The following PGM1 variants were observed in gnomAD, a reference collection of about 807,000 sequenced individuals.
PGM1 encodes the protein phosphoglucomutase 1, also known as phosphoglucomutase-1.
PGM1 carries 52 observed loss-of-function variants against 55.6 expected under a neutral mutation model. The ratio of observed to expected loss-of-function variants is 0.94; its 90% CI spans 0.75 to 1.18. PGM1 has a LOEUF of 1.18. Ranked by LOEUF, PGM1 falls within the 50% of genes most tolerant of loss-of-function variation. PGM1 has a pLI of 0.00. For missense variants in PGM1, 724 were observed against 729.3 expected (o/e 0.99, Z 0.08); for synonymous variants, 287 against 271.7 (o/e 1.06, Z -0.55).
At chr1:63,639,742 A>G (rs979521529) in intron 7 of PGM1, among the ~76,000 whole-genome samples, 1 of 152,184 alleles carries the variant, frequency 6.6e-6, no homozygotes, top group Non-Finnish European at 1.5e-5. Flanking sequence ...CAGCTTTGCA[A>G]TTGAGTTGCA....
intron 1 of PGM1, 29 bp from the exon 2 acceptor site, chr1:63,629,396 A>G: frequency 6.2e-7 from 1 of 1,605,582 alleles, no homozygotes; most frequent in Non-Finnish European, 8.5e-7. Flanking sequence ...ATTGATGTTA[A>G]AGAGTGTGTT....
In PGM1 at chr1:63,634,916, T is replaced by C. The variant is rs777478453; in HGVS notation, c.770T>C (p.Phe257Ser). 1.2e-6 allele frequency: 2 copies of C among 1,613,788 alleles called. No homozygotes were observed. The highest frequency in any genetic ancestry group is 2.2e-5 in the South Asian group (2 of 91,062). ...GTTAACTGCGTTCCTCTGGAGGACTTTGGAGGCCACCACCCTGACCCCAAC... is the reference window on the plus strand; with the variant it reads ...GTTAACTGCGTTCCTCTGGAGGACTCTGGAGGCCACCACCCTGACCCCAAC... ...SAVNCVPLEDFGGHHPDPNLT... is the reference protein window; with the variant it reads ...SAVNCVPLEDSGGHHPDPNLT... The change falls in exon 5 of 11, where the codon TTT (phenylalanine) becomes TCT (serine). Residue 257 changes from phenylalanine to serine, a missense_variant. This residue lies in a region of PGM1 where 379 missense variants were observed against 357.5 expected (regional missense o/e 1.06). Coordinates refer to ENST00000371084, the MANE Select transcript of PGM1 (RefSeq NM_002633.3).
At chr1:63,594,788 CAAA>C (rs34661751) in intron 1 of PGM1, among the ~76,000 whole-genome samples, 223 of 90,506 alleles carry the variant, frequency 2.5e-3, no homozygotes, top group African/African-American at 8.4e-3. Context: ...CTAAAAAATA[CAAA>C]AAAAAAAAAA....
intron 1 of PGM1, among the ~76,000 whole-genome samples, chr1:63,627,065 C>CCACA (rs66609334): frequency 2.3e-4 from 23 of 98,288 alleles, no homozygotes; most frequent in African/African-American, 8.4e-4. Context: ...CCCCCCCCCC[C>CCACA]CACACACACA....
At position 63,629,443 on chromosome 1, in the gene PGM1, G is replaced by T. The variant is rs377500536; in HGVS notation, c.265G>T (p.Gly89Ter). ...AANGIGRLVIGQNGILSTPAV... is the reference protein window; with the variant it reads ...AANGIGRLVI The stretch of plus-strand genomic sequence containing the variant: ...CTCCTAGATCGGTCGCTTGGTTATC[G>T]GACAGAATGGAATCCTCTCCACCCC... Residue 89 changes from glycine to a stop codon, truncating the protein, a stop_gained, in exon 2 of 11, where the codon GGA becomes TGA. Coordinates refer to ENST00000371084, the MANE Select transcript of PGM1 (RefSeq NM_002633.3). LOFTEE classifies it high-confidence loss of function. 2 of 1,613,318 alleles carry T rather than the reference G, an allele frequency of 1.2e-6. No individual in the cohort carries two copies. Among genetic ancestry groups the T allele is most frequent in the Non-Finnish European group, 1.7e-6 (2 of 1,179,476 alleles).
chr1:63,604,473 T>C (rs1437186067), intron 1 of PGM1, among the ~76,000 whole-genome samples: 1 of 152,016 alleles, frequency 6.6e-6, no homozygotes, highest in Non-Finnish European at 1.5e-5. Context: ...GGGCAGAGTG[T>C]CTTCCCCCTT....
Position 63,638,808 on chromosome 1 carries a change from A to C in PGM1, c.1144+8A>C. 6.3e-7 allele frequency: 1 copy of C among 1,581,670 alleles called. No individual in the cohort carries two copies. The highest frequency in any genetic ancestry group is 8.7e-7 in the Non-Finnish European group (1 of 1,150,324). ...AGGAGAGCTTCGGGACCGGTAAGTC[A>C]CACTCCTGTGCTAGCATTTTCCTCC... On this transcript the variant is annotated splice_region_variant and intron_variant, in intron 7 of 10. Coordinates refer to ENST00000371084, the MANE Select transcript of PGM1 (RefSeq NM_002633.3).
chr1:63,627,019 C>T (rs534214554), intron 1 of PGM1, among the ~76,000 whole-genome samples: 1 of 151,052 alleles, frequency 6.6e-6, no homozygotes, highest in East Asian at 2.0e-4. Context: ...GCATAATGTC[C>T]TCAAGGTTCA....
At position 63,631,681 on chromosome 1, in the gene PGM1, C is replaced by G; in HGVS notation, c.581C>G (p.Ala194Gly). The G allele has an allele frequency of 6.2e-7, 1 of 1,613,268 alleles. No individual in the cohort carries two copies. The highest frequency in any genetic ancestry group is 8.5e-7 in the Non-Finnish European group (1 of 1,179,250). Reference sequence around the variant, plus strand: ...GTGGAAATTGTGGATTCGGTAGAAGCTTATGCTACAATGCTGAGAAGCATC... The same window carrying G: ...GTGGAAATTGTGGATTCGGTAGAAGGTTATGCTACAATGCTGAGAAGCATC... ...FTVEIVDSVE[A>G]YATMLRSIFD... The change falls in exon 4 of 11, where the codon GCT becomes GGT. Residue 194 changes from alanine (A) to glycine (G), a missense_variant. Ala to Gly is a moderately conservative substitution (Grantham distance 60). This residue lies in a region of PGM1 where 379 missense variants were observed against 357.5 expected (regional missense o/e 1.06). Coordinates refer to ENST00000371084, the MANE Select transcript of PGM1 (RefSeq NM_002633.3).
chr1:63,631,900 G>A (rs1649206394), intron 4 of PGM1, 118 bp downstream of exon 4: 7 of 998,448 alleles, frequency 7.0e-6, no homozygotes, highest in Non-Finnish European at 9.4e-6. Flanking sequence ...TTTTTAAATA[G>A]AGTTATTTTG....
intron 1 of PGM1, among the ~76,000 whole-genome samples, chr1:63,609,746 G>A (rs574543420): frequency 6.6e-6 from 1 of 152,032 alleles, no homozygotes; most frequent in South Asian, 2.1e-4. Context: ...ACAATACAGG[G>A]TACTGTATTT....
intron 1 of PGM1, among the ~76,000 whole-genome samples, chr1:63,606,317 G>C (rs1047681338): frequency 3.3e-5 from 5 of 152,358 alleles, no homozygotes; most frequent in Admixed American, 6.5e-5. Context: ...ATGTAGGTTT[G>C]GCTGCTGTTA....
intron 1 of PGM1, among the ~76,000 whole-genome samples, chr1:63,617,878 G>GT (rs1648781615): frequency 6.8e-6 from 1 of 146,248 alleles, no homozygotes; most frequent in Non-Finnish European, 1.5e-5. Flanking sequence ...CAGTGTGTGT[G>GT]GTTTTTTTTT....
At chr1:63,642,734 C>T (rs1458544698) in intron 7 of PGM1, among the ~76,000 whole-genome samples, 1 of 152,148 alleles carries the variant, frequency 6.6e-6, no homozygotes, top group Admixed American at 6.5e-5. Context: ...TTTCCCTGTC[C>T]TGTCTTTAAA....
rs140586441 is a variant in PGM1 at position 63,628,727 on chromosome 1, T to TA, written c.247-696dup. On this transcript the variant is annotated intron_variant, in intron 1 of 10. Transcript: ENST00000371084. ...ACCATCTGTAAGAGATATGGGAAGG[T>TA]AAGTTAAGAATGCAACAGAAGTCCC... Among the ~76,000 whole-genome samples, 1,260 of 152,222 alleles carry TA rather than the reference T, an allele frequency of 8.3e-3. 25 individuals are homozygous for TA. The highest frequency in any genetic ancestry group is 0.029 in the African/African-American group (1,202 of 41,526).
intron 1 of PGM1, among the ~76,000 whole-genome samples, chr1:63,615,053 C>A (rs1271960394): frequency 6.6e-6 from 1 of 152,200 alleles, no homozygotes; most frequent in Non-Finnish European, 1.5e-5. Flanking sequence ...AGGGACTGTA[C>A]TTGATTCTTT....
At chr1:63,622,221 C>T (rs886191414) in intron 1 of PGM1, among the ~76,000 whole-genome samples, 1 of 151,702 alleles carries the variant, frequency 6.6e-6, no homozygotes, top group Admixed American at 6.6e-5. Context: ...GACAGGGTTT[C>T]ACCATGTTGA....
At position 63,651,866 on chromosome 1, in the gene PGM1, G is replaced by T. The variant is rs2269238; in HGVS notation, c.1464+14G>T. ...TCAAGAAATCAGGTAGAAACAGACC[G>T]GTGTGTAAGTGAGAGAGAGACCTCA... On this transcript the variant is annotated intron_variant, in intron 9 of 10. Transcript: ENST00000371084. 0.21 allele frequency: 335,963 copies of T among 1,608,322 alleles called. 38,224 individuals are homozygous for T. Among genetic ancestry groups the T allele is most frequent in the Admixed American group, 0.4 (24,128 of 59,988 alleles).
intron 2 of PGM1, 88 bp downstream of exon 2, chr1:63,629,675 T>A (rs745627032): frequency 2.9e-5 from 39 of 1,353,612 alleles, no homozygotes; most frequent in Non-Finnish European, 3.8e-5. Flanking sequence ...AGGGTTTTGG[T>A]TCTGATCCTT....
Sources: gnomAD v4.1 joint callset for allele counts (sites outside exome capture counted in the v4.1 genomes callset) on GRCh38, gnomAD v4.1.1 for gene constraint, gnomAD v4.1.1 regional missense constraint, MANE v1.5 for transcripts, NCBI Gene and HGNC (gene_info 2026-07-23, HGNC 2026-07-21) for gene names.